Variants in TRPM2 observed in about 807,000 individuals in gnomAD.
TRPM2 encodes the protein transient receptor potential cation channel subfamily M member 2.
Under a neutral mutation model 174.0 loss-of-function variants are expected in TRPM2, and 161 were observed. The ratio of observed to expected loss-of-function variants is 0.93; its 90% confidence interval spans 0.81 to 1.05. TRPM2 has a LOEUF of 1.05. Ranked by LOEUF, TRPM2 falls within the 50% of genes least tolerant of loss-of-function variation. The pLI is 0.00. For missense variants in TRPM2, 2,057 were observed against 2,038.0 expected (o/e 1.01, Z -0.18); for synonymous variants, 954 against 861.3 (o/e 1.11, Z -1.88).
chr21:44,373,748 A>G (rs1225983425), intron 5 of TRPM2, among the ~76,000 whole-genome samples: 1 of 152,170 alleles, frequency 6.6e-6, no homozygotes, highest in Non-Finnish European at 1.5e-5. Flanking sequence ...AGCAAGAAAA[A>G]AAAGCCAGGC....
At position 44,376,672 on chromosome 21, in the gene TRPM2, G is replaced by A. The variant is rs1244457989; in HGVS notation, c.952+659G>A. On this transcript the variant is annotated intron_variant, in intron 6 of 31. Coordinates refer to ENST00000397928, the MANE Select transcript of TRPM2 (RefSeq NM_003307.4). The surrounding 1 kb of genome is among the most constrained non-coding windows in gnomAD (Gnocchi z 4.2). The stretch of plus-strand genomic sequence containing the variant: ...GGGATGGGATGGGTTTGAGGACGTC[G>A]GGAGGTCAAGTGCGGGGTTTTGCAT... Among the ~76,000 whole-genome samples, 1 of 152,154 alleles carries A rather than the reference G, an allele frequency of 6.6e-6. No individual in the cohort carries two copies. Among genetic ancestry groups the A allele is most frequent in the African/African-American group, 2.4e-5 (1 of 41,436 alleles).
chr21:44,377,706 T>G lies in TRPM2; in HGVS notation c.953-6T>G, dbSNP rs200655859. The G allele has an allele frequency of 1.9e-6, 3 of 1,613,904 alleles. No individual in the cohort carries two copies. Among genetic ancestry groups the G allele is most frequent in the Non-Finnish European group, 2.5e-6 (3 of 1,179,996 alleles). On this transcript the variant is annotated splice_region_variant and splice_polypyrimidine_tract_variant and intron_variant, in intron 6 of 31. Coordinates refer to ENST00000397928, the MANE Select transcript of TRPM2 (RefSeq NM_003307.4). ...TGGCCCTCACTCGGCTGTGTGCTTT[T>G]TCTAGGTGTGGCCATCAAGATCCCC... is the stretch of plus-strand genomic sequence containing the variant.
intron 3 of TRPM2, 70 bp downstream of exon 3, chr21:44,364,352 C>CACTTGCCCA: frequency 6.4e-7 from 1 of 1,561,796 alleles, no homozygotes; most frequent in Non-Finnish European, 8.7e-7. Context: ...ACGCGGTGGT[C>CACTTGCCCA]GGCATTTCCT....
chr21:44,414,445 C>T (rs1219577989), intron 20 of TRPM2: 2 of 237,806 alleles, frequency 8.4e-6, no homozygotes, highest in Non-Finnish European at 1.7e-5. Flanking sequence ...TTCATGGGCT[C>T]ACTGCTCTAC....
At chr21:44,414,345 CT>C (rs901884526) in intron 20 of TRPM2, among the ~76,000 whole-genome samples, 17 of 152,250 alleles carry the variant, frequency 1.1e-4, no homozygotes, top group Non-Finnish European at 2.2e-4. Context: ...CACAAGGGCC[CT>C]GCTCACGGTG....
chr21:44,414,581 G>T (rs7283186), intron 20 of TRPM2: 17,434 of 154,502 alleles, frequency 0.11, 1,180 homozygotes, highest in Middle Eastern at 0.21. Flanking sequence ...CCAATACTAT[G>T]ACACCAGGTT....
At chr21:44,392,384 A>G (rs979077718) in intron 11 of TRPM2, among the ~76,000 whole-genome samples, 1 of 150,910 alleles carries the variant, frequency 6.6e-6, no homozygotes, top group Non-Finnish European at 1.5e-5. Context: ...CCGTCTCTTG[A>G]GTAGCTGGGA....
At chr21:44,422,464 G>A (rs2050586326) in intron 22 of TRPM2, 4 of 1,530,384 alleles carry the variant, frequency 2.6e-6, no homozygotes, top group Non-Finnish European at 3.5e-6. Context: ...ATGAAATGTG[G>A]GTGAAAGGAG....
rs1479474842 is a variant in TRPM2, at chr21:44,376,046, A to G, written c.952+33A>G. On this transcript the variant is annotated intron_variant, in intron 6 of 31. Coordinates refer to ENST00000397928, the MANE Select transcript of TRPM2 (RefSeq NM_003307.4). This position sits in a 1 kb window ranked among gnomAD's most constrained non-coding sequence, Gnocchi z 4.2. ...AGCTTGCTTTCGAGGGTGATTGGGC[A>G]GAGAGCACAGTGGGCTGGTCAGAGT... 6.2e-7 allele frequency: 1 copy of G among 1,603,680 alleles called. No homozygotes were observed. The highest frequency in any genetic ancestry group is 8.5e-7 in the Non-Finnish European group (1 of 1,173,074).
chr21:44,356,479 A>G (rs1158883457), intron 2 of TRPM2, among the ~76,000 whole-genome samples: 2 of 152,052 alleles, frequency 1.3e-5, no homozygotes, highest in Non-Finnish European at 2.9e-5. Flanking sequence ...GTAAAGGAAT[A>G]AAAGAATGGC....
Position 44,427,117 on chromosome 21 carries a change from TG to T in TRPM2, c.3974+7del. 6.3e-7 allele frequency: 1 copy of T among 1,576,962 alleles called. No homozygotes were observed. The highest frequency in any genetic ancestry group is 8.6e-7 in the Non-Finnish European group (1 of 1,161,074). On this transcript the variant is annotated splice_region_variant and intron_variant, in intron 27 of 31. Coordinates refer to ENST00000397928, the MANE Select transcript of TRPM2 (RefSeq NM_003307.4). ...GTGCAGGCCGGGTTGCCCCTGTGAG[TG>T]TGCCCCCTGCGGGCCCCGCCCCGTC...
chr21:44,402,002 G>C, intron 16 of TRPM2, 105 bp downstream of exon 16: 1 of 1,313,160 alleles, frequency 7.6e-7, no homozygotes, highest in Non-Finnish European at 1.1e-6. Flanking sequence ...AGCCTGCCCA[G>C]CTCCCTGCAA....
At chr21:44,353,514 A>C, upstream of TRPM2, 5 of 764,306 alleles carry the variant, frequency 6.5e-6, no homozygotes, top group Non-Finnish European at 7.5e-6. Flanking sequence ...TGATGAAGAG[A>C]ACCGGATGAG....
At chr21:44,389,440 G>A (rs954064978) in intron 9 of TRPM2, among the ~76,000 whole-genome samples, 9 of 152,126 alleles carry the variant, frequency 5.9e-5, no homozygotes, top group African/African-American at 2.2e-4. Context: ...GGCCTTTATG[G>A]TAAGTGTATG....
chr21:44,423,365 A>T (rs2050620547), intron 22 of TRPM2: 2 of 441,556 alleles, frequency 4.5e-6, no homozygotes, highest in East Asian at 8.4e-5. Flanking sequence ...GCCCTCCCTC[A>T]GTTCACTCAC....
chr21:44,353,562 G>A (rs150940440), upstream of TRPM2: 554 of 1,159,096 alleles, frequency 4.8e-4, 1 homozygote, highest in African/African-American at 8.2e-3. Flanking sequence ...GGTCCTCTCA[G>A]AACATCAGCC....
Position 44,384,436 on chromosome 21 carries a change from C to T in TRPM2, c.1318+1616C>T, listed in dbSNP as rs138219220. ...TTCCAGAATGGCAGCACATACATGC[C>T]CTTCCACTGGAAGGCAGAAGGGTAA... On this transcript the variant is annotated intron_variant, in intron 9 of 31. Transcript: ENST00000397928. 2.5e-3 allele frequency among the ~76,000 whole-genome samples: 380 copies of T among 152,256 alleles called. 2 individuals carry two copies. Among genetic ancestry groups the T allele is most frequent in the African/African-American group, 8.8e-3 (366 of 41,548 alleles).
chr21:44,435,282 G>T (rs536755600), intron 28 of TRPM2, 65 bp downstream of exon 28: 3 of 1,559,480 alleles, frequency 1.9e-6, no homozygotes, highest in Non-Finnish European at 2.6e-6. Flanking sequence ...CACAAGGGGC[G>T]GCTGCCATTG....
intron 2 of TRPM2, among the ~76,000 whole-genome samples, chr21:44,360,439 T>G (rs143995685): frequency 6.2e-4 from 95 of 152,302 alleles, no homozygotes; most frequent in African/African-American, 2.2e-3. Context: ...TAATTACAGA[T>G]GTACAGAAGT....
Sources: gnomAD v4.1 joint callset for allele counts (sites outside exome capture counted in the v4.1 genomes callset) on GRCh38, gnomAD v4.1.1 for gene constraint, Gnocchi (gnomAD v3.1) non-coding constraint, MANE v1.5 for transcripts, NCBI Gene and HGNC (gene_info 2026-07-23, HGNC 2026-07-21) for gene names.